The following SH3PXD2A variants were observed in gnomAD, a reference collection of about 807,000 sequenced individuals.
SH3PXD2A encodes SH3 and PX domain-containing protein 2A.
Under a neutral mutation model 115.2 loss-of-function variants are expected in SH3PXD2A, and 32 were observed. The observed-to-expected ratio is 0.28, with a 90% CI of 0.21 to 0.37. SH3PXD2A has a LOEUF of 0.37. SH3PXD2A is among the 10% of genes least tolerant of loss of function. The probability of loss-of-function intolerance (pLI) is 1.00; values close to 1 mark genes in which losing one functional copy is unlikely to be tolerated. For missense variants in SH3PXD2A, 1,328 were observed against 1,498.7 expected (o/e 0.89, Z 1.88); for synonymous variants, 610 against 629.1 (o/e 0.97, Z 0.45).
chr10:103,616,054 G>A (rs2036513927), intron 11 of SH3PXD2A, among the ~76,000 whole-genome samples: 1 of 151,498 alleles, frequency 6.6e-6, no homozygotes, highest in South Asian at 2.1e-4. Context: ...GTAGGGGCGG[G>A]GGGTGTGGTG....
At chr10:103,715,743 T>C (rs1419154203) in intron 5 of SH3PXD2A, among the ~76,000 whole-genome samples, 1 of 152,196 alleles carries the variant, frequency 6.6e-6, no homozygotes, top group African/African-American at 2.4e-5. Flanking sequence ...CGCCCTGCCT[T>C]CCCGAACAGG....
chr10:103,724,646 T>C (rs1195982893), intron 4 of SH3PXD2A, among the ~76,000 whole-genome samples: 1 of 151,814 alleles, frequency 6.6e-6, no homozygotes, highest in Non-Finnish European at 1.5e-5. Flanking sequence ...AACCAGCCAA[T>C]TAATCAACAA....
chr10:103,842,495 T>C (rs2039610850), intron 1 of SH3PXD2A, among the ~76,000 whole-genome samples: 1 of 152,242 alleles, frequency 6.6e-6, no homozygotes, highest in African/African-American at 2.4e-5. Context: ...CTAAAACGTA[T>C]TATTTCTACC....
intron 6 of SH3PXD2A, among the ~76,000 whole-genome samples, chr10:103,669,077 A>G (rs1487691145): frequency 2.6e-5 from 4 of 152,266 alleles, no homozygotes; most frequent in African/African-American, 9.6e-5. Context: ...AGTGGCCTGG[A>G]CCCAGAACCT....
At chr10:103,717,516 G>A (rs2038119476) in intron 5 of SH3PXD2A, among the ~76,000 whole-genome samples, 2 of 152,198 alleles carry the variant, frequency 1.3e-5, no homozygotes, top group Non-Finnish European at 2.9e-5. Context: ...CTGGCGACAA[G>A]CTAAGAAAAG....
chr10:103,609,406 T>TAGGC (rs2133924748), intron 13 of SH3PXD2A: 2 of 152,330 alleles, frequency 1.3e-5, no homozygotes, highest in African/African-American at 4.8e-5. Flanking sequence ...CAAGGCCAGA[T>TAGGC]AGGCAGGCAA....
chr10:103,745,444 T>G (rs553982519), intron 3 of SH3PXD2A, among the ~76,000 whole-genome samples: 7 of 152,364 alleles, frequency 4.6e-5, no homozygotes, highest in Non-Finnish European at 8.8e-5. Context: ...CCTATTCGAA[T>G]GCTAGTTTCC....
At chr10:103,826,961 G>C (rs1170946738) in intron 1 of SH3PXD2A, among the ~76,000 whole-genome samples, 2 of 152,176 alleles carry the variant, frequency 1.3e-5, no homozygotes, top group Admixed American at 6.5e-5. Context: ...GGGATAACTC[G>C]TAGAATGAGC....
At chr10:103,684,365 C>CTT (rs143312364) in intron 6 of SH3PXD2A, among the ~76,000 whole-genome samples, 14 of 147,840 alleles carry the variant, frequency 9.5e-5, no homozygotes, top group South Asian at 8.6e-4. Context: ...TAGACTAACC[C>CTT]TTTTTTTTTT....
rs770589225 is a variant in SH3PXD2A at position 103,603,439 on chromosome 10, C to T, written c.1779G>A (p.Ser593=). ...GGGCCCGCTGCAGAGAAGAGGCCGG[C>T]GAGGGCCGGTGGGGCTGGGCAGGCC... ...ERRPAQPHRP[S]PASSLQRARF... Residue 593 remains serine (S), a synonymous_variant, in exon 15 of 15, where the codon TCG becomes TCA. Transcript: ENST00000369774. 1.7e-5 allele frequency: 28 copies of T among 1,613,144 alleles called. 1 individual carries two copies. The East Asian group carries it at 2.4e-4, about 14-fold the overall frequency.
chr10:103,798,623 A>G (rs2039117563), intron 2 of SH3PXD2A, among the ~76,000 whole-genome samples: 1 of 152,188 alleles, frequency 6.6e-6, no homozygotes, highest in Admixed American at 6.5e-5. Flanking sequence ...CGAGTTGGTG[A>G]AACCCGGGGA....
chr10:103,759,344 A>G (rs2038675660), intron 3 of SH3PXD2A, among the ~76,000 whole-genome samples: 1 of 152,206 alleles, frequency 6.6e-6, no homozygotes, highest in Non-Finnish European at 1.5e-5. Context: ...GCAGGCTGGC[A>G]ACGCCTACCT....
At chr10:103,667,028 G>GC (rs1485705942) in intron 7 of SH3PXD2A, among the ~76,000 whole-genome samples, 1 of 152,166 alleles carries the variant, frequency 6.6e-6, no homozygotes, top group Non-Finnish European at 1.5e-5. Context: ...GCCAGGCTAA[G>GC]CAACCTGAGG....
intron 8 of SH3PXD2A, among the ~76,000 whole-genome samples, chr10:103,630,169 G>A (rs2036757557): frequency 6.6e-6 from 1 of 152,230 alleles, no homozygotes; most frequent in African/African-American, 2.4e-5. Context: ...TGGTTGCTCA[G>A]AAGCTGTGGC....
chr10:103,608,913 G>A (rs1462824854), intron 13 of SH3PXD2A: 1 of 152,084 alleles, frequency 6.6e-6, no homozygotes, highest in Non-Finnish European at 1.5e-5. Context: ...AGCCCAGGTG[G>A]GAGGACTGCT....
chr10:103,834,945 T>C (rs1396712055), intron 1 of SH3PXD2A, among the ~76,000 whole-genome samples: 2 of 152,150 alleles, frequency 1.3e-5, no homozygotes, highest in Non-Finnish European at 2.9e-5. Flanking sequence ...ACACTTATCT[T>C]AATAGTTCTG....
At chr10:103,816,090 T>C (rs113568687) in intron 1 of SH3PXD2A, among the ~76,000 whole-genome samples, 1 of 152,184 alleles carries the variant, frequency 6.6e-6, no homozygotes, top group Non-Finnish European at 1.5e-5. Context: ...GCCTGAGGAC[T>C]ACCATCACTA....
intron 1 of SH3PXD2A, among the ~76,000 whole-genome samples, chr10:103,820,633 C>G (rs985877715): frequency 6.6e-6 from 1 of 152,118 alleles, no homozygotes; most frequent in Non-Finnish European, 1.5e-5. Context: ...AGCCTGTCCC[C>G]TCCCCACACC....
intron 6 of SH3PXD2A, chr10:103,677,993 A>G: frequency 1.6e-6 from 1 of 611,884 alleles, no homozygotes; most frequent in South Asian, 1.5e-5. Flanking sequence ...GCTCCCGTGC[A>G]GGCCTCCGAG....
Sources: gnomAD v4.1 joint callset for allele counts (sites outside exome capture counted in the v4.1 genomes callset) on GRCh38, gnomAD v4.1.1 for gene constraint, MANE v1.5 for transcripts, NCBI Gene and HGNC (gene_info 2026-07-23, HGNC 2026-07-21) for gene names.